The following KIFC1 variants were observed in gnomAD, a reference collection of about 807,000 sequenced individuals.
KIFC1 encodes kinesin-like protein KIFC1.
Under a neutral mutation model 66.6 loss-of-function variants are expected in KIFC1, and 37 were observed. The observed-to-expected ratio is 0.56, with a 90% CI of 0.43 to 0.73. The LOEUF is 0.73. Ranked by LOEUF, KIFC1 falls within the 30% of genes least tolerant of loss-of-function variation. The pLI is 0.00. For missense variants in KIFC1, 721 were observed against 859.8 expected (o/e 0.84, Z 2.02); for synonymous variants, 325 against 343.5 (o/e 0.95, Z 0.60).
At chr6:33,391,519 T>C (rs1392229476), upstream of KIFC1, 1 of 197,948 alleles carries the variant, frequency 5.1e-6, no homozygotes, top group Non-Finnish European at 1.1e-5. Flanking sequence ...CAGTTTCGCT[T>C]GGCCAGTTGC....
intron 3 of KIFC1, among the ~76,000 whole-genome samples, chr6:33,402,567 C>CA (rs879571781): frequency 0.016 from 2,254 of 139,448 alleles, 35 homozygotes; most frequent in South Asian, 0.055. Context: ...ACTAAAAATA[C>CA]AAAAAAAAAA....
rs1291142322 is a variant in KIFC1 at position 33,406,967 on chromosome 6, C to A, written c.1977+92C>A. 3.6e-5 allele frequency: 56 copies of A among 1,559,384 alleles called. No individual in the cohort carries two copies. In the East Asian group the frequency reaches 1.2e-3, roughly 34 times the overall value. ...CTTTTGTCTTCTAGGGCAGGGAGCA[C>A]ATTTGTGCAGAAAGGTTTTGCAGGT... On this transcript the variant is annotated intron_variant, in intron 10 of 10. Transcript: ENST00000428849. The surrounding 1 kb of genome is among the most constrained non-coding windows in gnomAD (Gnocchi z 4.5).
intron 1 of KIFC1, among the ~76,000 whole-genome samples, chr6:33,393,809 C>G (rs1280407564): frequency 1.4e-5 from 2 of 144,606 alleles, no homozygotes; most frequent in Non-Finnish European, 3.0e-5. Context: ...TGCAGTGGCG[C>G]GGTCTCGGCT....
Position 33,403,815 on chromosome 6 carries a change from G to A in KIFC1, c.442G>A (p.Ala148Thr). The change falls in exon 6 of 11, where the codon GCA becomes ACA. Residue 148 changes from alanine to threonine, a missense_variant. Ala to Thr is a moderately conservative substitution (Grantham distance 58, BLOSUM62 0). Transcript: ENST00000428849. This position sits in a 1 kb window ranked among gnomAD's most constrained non-coding sequence, Gnocchi z 4.6. ...AAAGGGTCAGTTATGTGACCTAAATGCAGAACTAAAACGGTGCCGTGAGAG... is the reference window on the plus strand; with the variant it reads ...AAAGGGTCAGTTATGTGACCTAAATACAGAACTAAAACGGTGCCGTGAGAG... ...DLKGQLCDLNAELKRCRERTQ... is the reference protein window; with the variant it reads ...DLKGQLCDLNTELKRCRERTQ... 6.2e-7 allele frequency: 1 copy of A among 1,614,216 alleles called. No individual in the cohort carries two copies. Among genetic ancestry groups the A allele is most frequent in the Non-Finnish European group, 8.5e-7 (1 of 1,180,038 alleles).
In KIFC1 at chr6:33,403,072, C is replaced by T. The variant is rs185408078; in HGVS notation, c.251-242C>T. 6.9e-4 allele frequency among the ~76,000 whole-genome samples: 105 copies of T among 152,024 alleles called. 2 individuals are homozygous for T. The East Asian group carries it at 0.015, about 22-fold the overall frequency. ...CTATTTATGTAAGGGACTTGGGCAT[C>T]CTTGGATTTTGGTATTCTTGGGGGG... On this transcript the variant is annotated intron_variant, in intron 3 of 10. Coordinates refer to ENST00000428849, the MANE Select transcript of KIFC1 (RefSeq NM_002263.4). The surrounding 1 kb of genome is among the most constrained non-coding windows in gnomAD (Gnocchi z 4.6).
Position 33,400,136 on chromosome 6 carries a change from A to G in KIFC1, c.250+1749A>G, listed in dbSNP as rs1775300205. 1 of 1,036,574 alleles carries G rather than the reference A, an allele frequency of 9.6e-7. No homozygotes were observed. The highest frequency in any genetic ancestry group is 1.3e-5 in the South Asian group (1 of 79,732). 64.2% of individuals were successfully genotyped at this position (1,036,574 alleles called of 1,614,324 possible). A position where few individuals can be genotyped will look rare whatever the true frequency, so the allele number is the denominator to read the frequency against. On this transcript the variant is annotated intron_variant, in intron 3 of 10. Transcript: ENST00000428849. This position sits in a 1 kb window ranked among gnomAD's most constrained non-coding sequence, Gnocchi z 4.3. The stretch of plus-strand genomic sequence containing the variant: ...TGAGGGTGGTGGCCATCAACATTAC[A>G]GCCCATAGACTGGGCAGTCCCCGGA...
In KIFC1 at chr6:33,406,881, A is replaced by T. The variant is rs1250449767; in HGVS notation, c.1977+6A>T. The T allele has an allele frequency of 3.1e-6, 5 of 1,614,060 alleles. No homozygotes were observed. Among genetic ancestry groups the T allele is most frequent in the Non-Finnish European group, 4.2e-6 (5 of 1,180,022 alleles). ...CTCTACGCTTTGCCTCCAAGGTGCG[A>T]TTACCACCCGTCAGCCTTGTCAGGA... On this transcript the variant is annotated splice_donor_region_variant and intron_variant, in intron 10 of 10. Coordinates refer to ENST00000428849, the MANE Select transcript of KIFC1 (RefSeq NM_002263.4). The surrounding 1 kb of genome is among the most constrained non-coding windows in gnomAD (Gnocchi z 4.5).
intron 10 of KIFC1, 193 bp downstream of exon 10, chr6:33,407,068 A>G: frequency 7.1e-7 from 1 of 1,414,780 alleles, no homozygotes; most frequent in Non-Finnish European, 9.2e-7. Context: ...ACGGGTGATT[A>G]ATTTAACCTG....
chr6:33,398,387 G>C lies in KIFC1; in HGVS notation c.250G>C (p.Ala84Pro). The C allele has an allele frequency of 6.2e-7, 1 of 1,610,458 alleles. No homozygotes were observed. The highest frequency in any genetic ancestry group is 1.3e-5 in the African/African-American group (1 of 74,966). Residue 84 changes from alanine (A) to proline (P), a missense_variant and splice_region_variant, in exon 3 of 11, where the codon GCT (alanine) becomes CCT (proline). Ala to Pro is a conservative substitution (Grantham distance 27). Transcript: ENST00000428849. The part of the protein sequence containing the change: ...TVPQTQGQTT[A>P]QKVSKKTGPR... Reference sequence around the variant, plus strand: ...GCCACAGACACAAGGCCAGACCACAGGTGGGCTCTCAGGATGGATAGACTC... The same window carrying C: ...GCCACAGACACAAGGCCAGACCACACGTGGGCTCTCAGGATGGATAGACTC...
In KIFC1 at chr6:33,406,844, A is replaced by G; in HGVS notation, c.1946A>G (p.Glu649Gly). Residue 649 changes from glutamate to glycine, a missense_variant, in exon 10 of 11, where the codon GAG becomes GGG. Coordinates refer to ENST00000428849, the MANE Select transcript of KIFC1 (RefSeq NM_002263.4). The surrounding 1 kb of genome is among the most constrained non-coding windows in gnomAD (Gnocchi z 4.5). The stretch of plus-strand genomic sequence containing the variant: ...TCTCCACTGGAAGAGAACGTCTCCG[A>G]GTCCCTCAACTCTCTACGCTTTGCC... Reference protein sequence around the residue: ...NISPLEENVSESLNSLRFASK... With the variant: ...NISPLEENVSGSLNSLRFASK... 1 of 1,614,084 alleles carries G rather than the reference A, an allele frequency of 6.2e-7. No homozygotes were observed. The highest frequency in any genetic ancestry group is 8.5e-7 in the Non-Finnish European group (1 of 1,180,026).
Position 33,397,957 on chromosome 6 carries a change from G to T in KIFC1, c.13-72G>T. The T allele has an allele frequency of 2.6e-6, 4 of 1,546,188 alleles. No individual in the cohort carries two copies. The South Asian group carries it at 3.4e-5, about 13-fold the overall frequency. On this transcript the variant is annotated intron_variant, in intron 1 of 10. Transcript: ENST00000428849. ...GTGGTGGTGTTGACAATTGAGGCTG[G>T]GGGCCAAGACAGGAAGTTCTTGGGA...
chr6:33,396,899 G>T (rs1161810134), intron 1 of KIFC1, among the ~76,000 whole-genome samples: 2 of 151,588 alleles, frequency 1.3e-5, no homozygotes, highest in Non-Finnish European at 2.9e-5. Flanking sequence ...AGCTAGGATG[G>T]TCTTGATCTC....
rs1357003273 is a variant in KIFC1, at chr6:33,406,833, G to T, written c.1935G>T (p.Glu645Asp). The stretch of plus-strand genomic sequence containing the variant: ...TTGTGAACATTTCTCCACTGGAAGA[G>T]AACGTCTCCGAGTCCCTCAACTCTC... ...LMFVNISPLE[E>D]NVSESLNSLR... Residue 645 changes from glutamate to aspartate, a missense_variant, in exon 10 of 11, where the codon GAG becomes GAT. Glu to Asp is a conservative substitution (Grantham distance 45, BLOSUM62 2). Transcript: ENST00000428849. This position sits in a 1 kb window ranked among gnomAD's most constrained non-coding sequence, Gnocchi z 4.5. The T allele has an allele frequency of 1.9e-6, 3 of 1,614,108 alleles. No homozygotes were observed. Among genetic ancestry groups the T allele is most frequent in the Non-Finnish European group, 2.5e-6 (3 of 1,180,014 alleles).
intron 10 of KIFC1, among the ~76,000 whole-genome samples, chr6:33,409,209 G>A (rs1775792783): frequency 6.6e-6 from 1 of 152,124 alleles, no homozygotes; most frequent in African/African-American, 2.4e-5. Flanking sequence ...ATTGGTGCCA[G>A]TGTCCTTTAG....
chr6:33,397,983 C>T (rs1448923820), intron 1 of KIFC1, 46 bp from the exon 2 acceptor site: 11 of 1,602,718 alleles, frequency 6.9e-6, no homozygotes, highest in Admixed American at 3.4e-5. Context: ...GTTCTTGGGA[C>T]ATTTGGGCTC....
Position 33,409,635 on chromosome 6 carries a change from C to G in KIFC1, c.1978-11C>G. On this transcript the variant is annotated splice_polypyrimidine_tract_variant and intron_variant, in intron 10 of 10. Transcript: ENST00000428849. ...TGCAAACTTTTATCCTGTCTAACCC[C>G]CTGCCCCCAGGTGAACCAGTGTGTT... The G allele has an allele frequency of 6.2e-7, 1 of 1,613,382 alleles. No homozygotes were observed. The highest frequency in any genetic ancestry group is 1.7e-5 in the Admixed American group (1 of 59,994).
rs541783776 is a variant in KIFC1 at position 33,396,183 on chromosome 6, T to C, written c.13-1846T>C. On this transcript the variant is annotated intron_variant, in intron 1 of 10. Coordinates refer to ENST00000428849, the MANE Select transcript of KIFC1 (RefSeq NM_002263.4). ...GTGAACTTCCTTGAGTAAATCTCAC[T>C]GTATCACGGGTAGCTCAAACTCACT... is the stretch of plus-strand genomic sequence containing the variant. 2.6e-5 allele frequency among the ~76,000 whole-genome samples: 4 copies of C among 152,204 alleles called. No individual in the cohort carries two copies. In the South Asian group the frequency reaches 8.3e-4, roughly 32 times the overall value.
chr6:33,408,802 G>A (rs1438388827), intron 10 of KIFC1, among the ~76,000 whole-genome samples: 1 of 152,106 alleles, frequency 6.6e-6, no homozygotes, highest in Non-Finnish European at 1.5e-5. Context: ...AAAGTGTTGG[G>A]ATTATAGGCG....
intron 1 of KIFC1, among the ~76,000 whole-genome samples, chr6:33,395,095 T>G (rs1290651334): frequency 6.6e-6 from 1 of 152,208 alleles, no homozygotes; most frequent in Non-Finnish European, 1.5e-5. Context: ...TGAAGTTACT[T>G]GTGATCTTGA....
Sources: allele counts gnomAD v4.1 joint callset (sites outside exome capture counted in the v4.1 genomes callset), GRCh38; gene constraint gnomAD v4.1.1; non-coding constraint Gnocchi (gnomAD v3.1); transcripts MANE v1.5; gene names NCBI Gene and HGNC (gene_info 2026-07-23, HGNC 2026-07-21).